Variants in DGKB observed in about 807,000 individuals in gnomAD.
DGKB encodes the protein diacylglycerol kinase beta, also known as 90 kDa diacylglycerol kinase.
A neutral mutation model predicts 114.3 loss-of-function variants in DGKB; 67 were observed. The observed-to-expected ratio is 0.59, with a 90% CI of 0.48 to 0.72. DGKB has a LOEUF of 0.72. Ranked by LOEUF, DGKB falls within the 30% of genes least tolerant of loss-of-function variation. The probability of loss-of-function intolerance (pLI) is 0.00; values close to 1 mark genes in which losing one functional copy is unlikely to be tolerated. For synonymous variants in DGKB, 398 were observed against 323.1 expected (o/e 1.23, Z -2.49); for missense variants, 907 against 975.2 (o/e 0.93, Z 0.93).
chr7:14,904,648 C>T (rs1010564572), upstream of DGKB, among the ~76,000 whole-genome samples: 1 of 152,098 alleles, frequency 6.6e-6, no homozygotes, highest in Non-Finnish European at 1.5e-5. Context: ...TTATCAGAGG[C>T]TAATATTTTG....
chr7:14,645,293 T>A (rs1211647690), intron 13 of DGKB, among the ~76,000 whole-genome samples: 2 of 152,166 alleles, frequency 1.3e-5, no homozygotes, highest in Non-Finnish European at 1.5e-5. Context: ...ACCTTGATCC[T>A]TTTGGTCACG....
At chr7:14,328,681 A>G (rs1809178148) in intron 23 of DGKB, among the ~76,000 whole-genome samples, 1 of 152,054 alleles carries the variant, frequency 6.6e-6, no homozygotes, top group East Asian at 1.9e-4. Context: ...ATTTTGTGCC[A>G]TATTATGGGA....
chr7:14,317,533 C>T (rs1806820076), intron 23 of DGKB, among the ~76,000 whole-genome samples: 1 of 151,616 alleles, frequency 6.6e-6, no homozygotes, highest in Non-Finnish European at 1.5e-5. Context: ...CTCCCATTCA[C>T]AATTGCTTCA....
intron 1 of DGKB, among the ~76,000 whole-genome samples, chr7:14,961,505 G>C (rs974019508): frequency 6.6e-6 from 1 of 152,146 alleles, no homozygotes; most frequent in Non-Finnish European, 1.5e-5. Flanking sequence ...TGCCTATGGA[G>C]ATGCAAGGGA....
rs143109560 is a variant in DGKB, at chr7:14,457,759, T to C, written c.1835+20402A>G. Among the ~76,000 whole-genome samples, 947 of 152,310 alleles carry C rather than the reference T, an allele frequency of 6.2e-3. 10 individuals carry two copies. Among genetic ancestry groups the C allele is most frequent in the African/African-American group, 0.022 (915 of 41,560 alleles). ...TACACAGATGCCCTTTGACCTCCTA[T>C]GACAGATTGCTAACATTTTAGCATT... On this transcript the variant is annotated intron_variant, in intron 21 of 25. Transcript: ENST00000402815.
chr7:14,819,815 A>C (rs1844662293), intron 2 of DGKB, among the ~76,000 whole-genome samples: 1 of 152,178 alleles, frequency 6.6e-6, no homozygotes, highest in Admixed American at 6.6e-5. Flanking sequence ...AGAGTCAAAA[A>C]AAAGTATATG....
intron 12 of DGKB, among the ~76,000 whole-genome samples, chr7:14,673,577 A>T (rs1045937004): frequency 6.6e-6 from 1 of 152,066 alleles, no homozygotes; most frequent in African/African-American, 2.4e-5. Flanking sequence ...GATTATGATT[A>T]TAAAAATTTA....
intron 19 of DGKB, among the ~76,000 whole-genome samples, chr7:14,578,128 G>A (rs1463394788): frequency 6.6e-6 from 1 of 152,076 alleles, no homozygotes; most frequent in East Asian, 1.9e-4. Context: ...TTTTATCAGG[G>A]ACTATTTCCC....
At chr7:14,704,944 C>A (rs1486398595) in intron 6 of DGKB, among the ~76,000 whole-genome samples, 3 of 152,098 alleles carry the variant, frequency 2.0e-5, no homozygotes, top group African/African-American at 7.2e-5. Context: ...AGCTCCTCAC[C>A]AGCAACGGAA....
chr7:14,667,665 T>A (rs1440697195), intron 13 of DGKB, among the ~76,000 whole-genome samples: 3 of 152,072 alleles, frequency 2.0e-5, no homozygotes, highest in African/African-American at 7.2e-5. Flanking sequence ...GTGAAATTAT[T>A]CCTGGAAAGT....
At chr7:14,244,450 A>C (rs921817893) in intron 23 of DGKB, among the ~76,000 whole-genome samples, 4 of 151,740 alleles carry the variant, frequency 2.6e-5, no homozygotes, top group African/African-American at 9.7e-5. Flanking sequence ...AGGTCAGGAG[A>C]TCAAGATCAT....
intron 2 of DGKB, among the ~76,000 whole-genome samples, chr7:14,780,378 T>C (rs988298470): frequency 1.3e-5 from 2 of 152,226 alleles, no homozygotes; most frequent in Non-Finnish European, 2.9e-5. Context: ...TTTTGCCTAC[T>C]TTTTTATTCT....
At chr7:14,256,794 T>C (rs2128402275) in intron 23 of DGKB, among the ~76,000 whole-genome samples, 1 of 152,002 alleles carries the variant, frequency 6.6e-6, no homozygotes, top group East Asian at 1.9e-4. Flanking sequence ...AAGAGAAAAG[T>C]GAGGAAAGGG....
intron 2 of DGKB, among the ~76,000 whole-genome samples, chr7:14,831,494 AAAGACTCAG>A (rs1846405718): frequency 6.6e-6 from 1 of 151,988 alleles, no homozygotes; most frequent in Non-Finnish European, 1.5e-5. Context: ...GTGCTTTATA[AAAGACTCAG>A]ATTCCCTAAA....
At chr7:14,602,634 A>T (rs1175858503) in intron 17 of DGKB, among the ~76,000 whole-genome samples, 1 of 152,208 alleles carries the variant, frequency 6.6e-6, no homozygotes, top group South Asian at 2.1e-4. Context: ...TACAGCAAGA[A>T]GACACCACCT....
chr7:14,525,210 T>A lies in DGKB; in HGVS notation c.1771-46985A>T, dbSNP rs1210072277. 2.6e-5 allele frequency among the ~76,000 whole-genome samples: 4 copies of A among 152,280 alleles called. No homozygotes were observed. The East Asian group carries it at 7.7e-4, about 29-fold the overall frequency. ...CCAAATGGAACAACCATTTCTACGA[T>A]AAGTAAGTCACTGTTTTCTCTTTTA... On this transcript the variant is annotated intron_variant, in intron 20 of 25. Coordinates refer to ENST00000402815, the MANE Select transcript of DGKB (RefSeq NM_001350709.2).
intron 21 of DGKB, among the ~76,000 whole-genome samples, chr7:14,443,862 T>A (rs909010097): frequency 6.6e-6 from 1 of 151,998 alleles, no homozygotes; most frequent in Non-Finnish European, 1.5e-5. Context: ...TATGCACTGT[T>A]ACTTTAAATA....
chr7:14,930,232 G>C (rs1784946313), intron 1 of DGKB, among the ~76,000 whole-genome samples: 1 of 151,896 alleles, frequency 6.6e-6, no homozygotes, highest in African/African-American at 2.4e-5. Flanking sequence ...ATGAATTTTA[G>C]GATTTTTTTC....
intron 1 of DGKB, among the ~76,000 whole-genome samples, chr7:14,967,307 ATTTATT>A (rs10531792): frequency 0.51 from 76,354 of 149,796 alleles, 21,059 homozygotes; most frequent in African/African-American, 0.72. Context: ...TCCTGACTTG[ATTTATT>A]TTTATTTTTA....
Sources: allele counts gnomAD v4.1 joint callset (sites outside exome capture counted in the v4.1 genomes callset), GRCh38; gene constraint gnomAD v4.1.1; transcripts MANE v1.5; gene names NCBI Gene and HGNC (gene_info 2026-07-23, HGNC 2026-07-21).